The following MCTP1 variants were observed in gnomAD, a reference collection of about 807,000 sequenced individuals.
MCTP1 encodes multiple C2 and transmembrane domain containing 1, also known as multiple C2 and transmembrane domain-containing protein 1.
In MCTP1, 69 loss-of-function variants were observed where a neutral mutation model predicts 120.6. The ratio of observed to expected loss-of-function variants is 0.57; its 90% CI spans 0.47 to 0.70. The LOEUF is 0.70. Among genes scored for constraint, MCTP1 ranks in the 30% least tolerant of loss-of-function variants. MCTP1 has a pLI of 0.00. For synonymous variants in MCTP1, 529 were observed against 493.1 expected (o/e 1.07, Z -0.96); for missense variants, 1,203 against 1,248.8 (o/e 0.96, Z 0.55).
chr5:95,015,020 A>G (rs946348285), intron 2 of MCTP1, among the ~76,000 whole-genome samples: 1 of 152,174 alleles, frequency 6.6e-6, no homozygotes, highest in Non-Finnish European at 1.5e-5. Context: ...GATGATTGTT[A>G]GCATTTTTTT....
At chr5:95,147,786 T>C (rs1486339078) in intron 1 of MCTP1, among the ~76,000 whole-genome samples, 3 of 152,244 alleles carry the variant, frequency 2.0e-5, no homozygotes, top group African/African-American at 7.2e-5. Flanking sequence ...CTAATTGCTT[T>C]ATACTGTCTA....
At chr5:94,792,848 G>A (rs888203998) in intron 18 of MCTP1, 4 of 152,192 alleles carry the variant, frequency 2.6e-5, no homozygotes, top group African/African-American at 9.6e-5. Flanking sequence ...TACAGGTCTG[G>A]AGGTAAGAAT....
At chr5:95,200,666 G>A (rs1297905933) in intron 1 of MCTP1, among the ~76,000 whole-genome samples, 1 of 152,190 alleles carries the variant, frequency 6.6e-6, no homozygotes, top group Non-Finnish European at 1.5e-5. Context: ...ATGGATTAGG[G>A]AGATGTTGGT....
At chr5:95,253,695 T>C (rs556592754) in intron 1 of MCTP1, among the ~76,000 whole-genome samples, 2 of 152,174 alleles carry the variant, frequency 1.3e-5, no homozygotes, top group African/African-American at 2.4e-5. Context: ...ACAATAAATA[T>C]GCAAATCCAA....
chr5:95,021,102 C>T (rs912124022), intron 1 of MCTP1, among the ~76,000 whole-genome samples: 2 of 152,036 alleles, frequency 1.3e-5, no homozygotes, highest in Non-Finnish European at 2.9e-5. Flanking sequence ...TCGAATCCTG[C>T]CACTTACTAA....
chr5:95,129,616 C>T (rs914309646), intron 1 of MCTP1, among the ~76,000 whole-genome samples: 3 of 152,062 alleles, frequency 2.0e-5, no homozygotes, highest in African/African-American at 7.2e-5. Flanking sequence ...CAGATTTATT[C>T]AATCCTTGAG....
At chr5:95,006,836 C>T (rs1834859399) in intron 2 of MCTP1, among the ~76,000 whole-genome samples, 1 of 152,102 alleles carries the variant, frequency 6.6e-6, no homozygotes, top group Admixed American at 6.6e-5. Flanking sequence ...TCAGTATATT[C>T]CACGTCTCTG....
intron 12 of MCTP1, among the ~76,000 whole-genome samples, chr5:94,876,458 A>G (rs1204662161): frequency 6.6e-6 from 1 of 152,098 alleles, no homozygotes. Context: ...TTTATTCAAT[A>G]CCGTGTGGCT....
chr5:94,800,550 C>T (rs1018517068), intron 17 of MCTP1, among the ~76,000 whole-genome samples: 8 of 152,116 alleles, frequency 5.3e-5, no homozygotes, highest in Non-Finnish European at 1.0e-4. Flanking sequence ...CTCCTGGCCT[C>T]AGGGCCAGGA....
intron 2 of MCTP1, among the ~76,000 whole-genome samples, chr5:95,008,002 T>C (rs894538549): frequency 6.6e-6 from 1 of 152,180 alleles, no homozygotes; most frequent in Non-Finnish European, 1.5e-5. Flanking sequence ...AATGCCTACA[T>C]GACGTAGCCT....
At chr5:94,891,397 C>T (rs531767712) in intron 11 of MCTP1, among the ~76,000 whole-genome samples, 6 of 152,204 alleles carry the variant, frequency 3.9e-5, no homozygotes, top group Non-Finnish European at 8.8e-5. Context: ...AGTTTCTTAT[C>T]TCAGAGCTTA....
At chr5:95,158,164 C>G (rs1388348807) in intron 1 of MCTP1, among the ~76,000 whole-genome samples, 2 of 152,206 alleles carry the variant, frequency 1.3e-5, no homozygotes, top group Non-Finnish European at 2.9e-5. Context: ...CAAACACAGA[C>G]CTGCACAATA....
intron 1 of MCTP1, among the ~76,000 whole-genome samples, chr5:95,026,762 C>T (rs1429066408): frequency 6.6e-6 from 1 of 152,136 alleles, no homozygotes; most frequent in Non-Finnish European, 1.5e-5. Context: ...TTACATTATT[C>T]CATAAATGTT....
At chr5:94,891,317 G>A (rs1042120604) in intron 11 of MCTP1, among the ~76,000 whole-genome samples, 1 of 152,120 alleles carries the variant, frequency 6.6e-6, no homozygotes, top group African/African-American at 2.4e-5. Context: ...CTGTGGGGGC[G>A]TTAGACAACA....
intron 1 of MCTP1, among the ~76,000 whole-genome samples, chr5:95,124,704 A>G (rs1006681471): frequency 1.3e-5 from 2 of 152,192 alleles, no homozygotes; most frequent in Non-Finnish European, 2.9e-5. Context: ...TAGAACTTAT[A>G]CTCTATATCA....
At chr5:95,225,247 A>AT (rs1447574510) in intron 1 of MCTP1, among the ~76,000 whole-genome samples, 1 of 152,212 alleles carries the variant, frequency 6.6e-6, no homozygotes, top group Non-Finnish European at 1.5e-5. Context: ...ACTGGCTACC[A>AT]TTTTAAAAGA....
intron 19 of MCTP1, among the ~76,000 whole-genome samples, chr5:94,765,344 G>A (rs923984670): frequency 1.3e-5 from 2 of 152,036 alleles, no homozygotes; most frequent in East Asian, 3.9e-4. Context: ...GAACTAGAAC[G>A]GCAAGAACAA....
At chr5:95,103,294 G>A (rs1373079129) in intron 1 of MCTP1, among the ~76,000 whole-genome samples, 1 of 151,924 alleles carries the variant, frequency 6.6e-6, no homozygotes, top group Non-Finnish European at 1.5e-5. Flanking sequence ...TTTATATTCT[G>A]TGCTTCTGTA....
chr5:95,029,931 C>T (rs948568857), intron 1 of MCTP1, among the ~76,000 whole-genome samples: 5 of 152,174 alleles, frequency 3.3e-5, no homozygotes, highest in African/African-American at 1.2e-4. Flanking sequence ...CTGACATTGG[C>T]AAGCACAGCT....
Sources: allele counts gnomAD v4.1 joint callset (sites outside exome capture counted in the v4.1 genomes callset), GRCh38; gene constraint gnomAD v4.1.1; transcripts MANE v1.5; gene names NCBI Gene and HGNC (gene_info 2026-07-23, HGNC 2026-07-21).